SPTBN1: variants seen among roughly 807,000 people sequenced by gnomAD.
SPTBN1 encodes the protein spectrin beta, non-erythrocytic 1.
In SPTBN1, 32 loss-of-function variants were observed where a neutral mutation model predicts 266.4. The ratio of observed to expected loss-of-function variants is 0.12; its 90% CI spans 0.09 to 0.16. The LOEUF (loss-of-function observed/expected upper bound fraction) is 0.16. Ranked by LOEUF, SPTBN1 falls within the 10% of genes least tolerant of loss-of-function variation. The pLI, the probability that SPTBN1 is intolerant of heterozygous loss-of-function variation, is 1.00. For missense variants in SPTBN1, 2,296 were observed against 3,067.1 expected, an observed-to-expected ratio of 0.75 and a Z score of 5.94; for synonymous variants, 1,336 against 1,162.2, an observed-to-expected ratio of 1.15 and a Z score of -3.04.
intron 1 of SPTBN1, among the ~76,000 whole-genome samples, chr2:54,492,341 GTT>G (rs780631106): frequency 2.8e-4 from 25 of 88,392 alleles, no homozygotes; most frequent in Middle Eastern, 5.4e-3. Context: ...GTCTGCAGTT[GTT>G]TTTTTGTTTT....
chr2:54,493,869 G>A (rs1668822330), intron 1 of SPTBN1, among the ~76,000 whole-genome samples: 1 of 152,208 alleles, frequency 6.6e-6, no homozygotes, highest in Non-Finnish European at 1.5e-5. Flanking sequence ...TCAAATGTGA[G>A]TGATGATAGG....
chr2:54,572,618 C>T (rs116699466), intron 2 of SPTBN1, among the ~76,000 whole-genome samples: 3,598 of 152,300 alleles, frequency 0.024, 74 homozygotes, highest in Non-Finnish European at 0.033. Context: ...TTTCCCAGCC[C>T]TTTGTGCCTC....
intron 2 of SPTBN1, among the ~76,000 whole-genome samples, chr2:54,598,772 G>A (rs935592744): frequency 6.6e-6 from 1 of 152,224 alleles, no homozygotes; most frequent in Non-Finnish European, 1.5e-5. Flanking sequence ...AAAGAAAGGG[G>A]AGCAAAGGAT....
chr2:54,561,672 T>A (rs116673143), intron 2 of SPTBN1, among the ~76,000 whole-genome samples: 3,765 of 150,642 alleles, frequency 0.025, 142 homozygotes, highest in African/African-American at 0.079. Context: ...CGATTTATAG[T>A]TTATAAATTT....
intron 2 of SPTBN1, among the ~76,000 whole-genome samples, chr2:54,543,910 G>C (rs546016889): frequency 6.6e-6 from 1 of 152,254 alleles, no homozygotes; most frequent in Admixed American, 6.5e-5. Flanking sequence ...GGCTCTTACC[G>C]GAAGAGGGTT....
At chr2:54,487,613 A>T (rs986569186) in intron 1 of SPTBN1, among the ~76,000 whole-genome samples, 1 of 152,098 alleles carries the variant, frequency 6.6e-6, no homozygotes, top group Admixed American at 6.5e-5. Context: ...ACATTTCTTC[A>T]TTAATAATTA....
At chr2:54,467,270 T>C (rs902252220) in intron 1 of SPTBN1, among the ~76,000 whole-genome samples, 1 of 152,072 alleles carries the variant, frequency 6.6e-6, no homozygotes, top group African/African-American at 2.4e-5. Context: ...TTTTTTCTCT[T>C]TATCTTATTT....
At chr2:54,600,735 A>C (rs1010045457) in intron 3 of SPTBN1, among the ~76,000 whole-genome samples, 1 of 98,770 alleles carries the variant, frequency 1.0e-5, no homozygotes, top group Non-Finnish European at 2.0e-5. Context: ...TTTTTTGTGG[A>C]GTGGGGGAAT....
chr2:54,562,010 ACACC>A, intron 2 of SPTBN1, among the ~76,000 whole-genome samples: 1 of 152,112 alleles, frequency 6.6e-6, no homozygotes, highest in African/African-American at 2.4e-5. Context: ...CAACACACAC[ACACC>A]CACCCCTTCC....
At chr2:54,529,467 G>T (rs898222398) in intron 2 of SPTBN1, 2 of 713,532 alleles carry the variant, frequency 2.8e-6, no homozygotes, top group East Asian at 2.6e-5. Flanking sequence ...AAGAAGATCC[G>T]CATGTCACCC....
At chr2:54,650,132 G>T in intron 26 of SPTBN1, 143 bp downstream of exon 26, 1 of 1,109,964 alleles carries the variant, frequency 9.0e-7, no homozygotes, top group Non-Finnish European at 1.3e-6. Context: ...CTTTGTAATA[G>T]TGCTCCATTT....
In SPTBN1 at chr2:54,499,932, A is replaced by G. The variant is rs190272117; in HGVS notation, c.-47-26440A>G. Among the ~76,000 whole-genome samples the G allele has an allele frequency of 2.4e-4, 36 of 152,354 alleles. 1 individual carries two copies. Among genetic ancestry groups the G allele is most frequent in the Admixed American group, 3.9e-4 (6 of 15,308 alleles). The stretch of plus-strand genomic sequence containing the variant: ...CAGCTGTTATGCTGGGTACTTTCCA[A>G]TGGAGGATGTGTTTTCCAGATGAAG... On this transcript the variant is annotated intron_variant, in intron 1 of 35. Transcript: ENST00000356805.
At chr2:54,488,992 A>G (rs1668549735) in intron 1 of SPTBN1, among the ~76,000 whole-genome samples, 1 of 152,092 alleles carries the variant, frequency 6.6e-6, no homozygotes. Flanking sequence ...GGGATTTGAC[A>G]TTAAGAAATG....
intron 16 of SPTBN1, 113 bp downstream of exon 16, chr2:54,631,724 A>T (rs1678744579): frequency 7.4e-7 from 1 of 1,352,988 alleles, no homozygotes; most frequent in Non-Finnish European, 1.0e-6. Context: ...AATTATATGG[A>T]TAATTTAGAG....
At chr2:54,531,053 C>T (rs1227064189) in intron 2 of SPTBN1, among the ~76,000 whole-genome samples, 2 of 152,190 alleles carry the variant, frequency 1.3e-5, no homozygotes, top group African/African-American at 4.8e-5. Context: ...CACCTCACCC[C>T]AGTACCTTGC....
intron 1 of SPTBN1, among the ~76,000 whole-genome samples, chr2:54,519,061 C>G (rs1472116296): frequency 6.6e-6 from 1 of 152,198 alleles, no homozygotes; most frequent in Admixed American, 6.5e-5. Flanking sequence ...CCAGATCTAT[C>G]TAAATCAGAG....
At chr2:54,498,258 TC>T (rs1245676191) in intron 1 of SPTBN1, among the ~76,000 whole-genome samples, 1 of 152,182 alleles carries the variant, frequency 6.6e-6, no homozygotes, top group Admixed American at 6.5e-5. Context: ...ACGGGAATGT[TC>T]GGTAGACTTG....
In SPTBN1 at chr2:54,668,345, G is replaced by T; in HGVS notation, c.6877-6G>T. ...GAGTCTCACCTGTGTCCCTTCCTCT[G>T]TCCAGGAGGAAATGAACACATGGAT... On this transcript the variant is annotated splice_polypyrimidine_tract_variant and splice_region_variant and intron_variant, in intron 35 of 35. Coordinates refer to ENST00000356805, the MANE Select transcript of SPTBN1 (RefSeq NM_003128.3). The T allele has an allele frequency of 8.1e-6, 13 of 1,613,090 alleles. No homozygotes were observed. The highest frequency in any genetic ancestry group is 1.1e-5 in the Non-Finnish European group (13 of 1,179,104).
At chr2:54,624,707 C>G in intron 10 of SPTBN1, 97 bp from the exon 11 acceptor site, 2 of 1,533,054 alleles carry the variant, frequency 1.3e-6, no homozygotes, top group Non-Finnish European at 1.8e-6. Context: ...CTGTCAGGTC[C>G]TTTTGAGAAA....
Sources: gnomAD v4.1 joint callset for allele counts (sites outside exome capture counted in the v4.1 genomes callset) on GRCh38, gnomAD v4.1.1 for gene constraint, MANE v1.5 for transcripts, NCBI Gene and HGNC (gene_info 2026-07-23, HGNC 2026-07-21) for gene names.